The following BCKDHB variants were observed in gnomAD, a reference collection of about 807,000 sequenced individuals.
The protein encoded by BCKDHB is branched chain keto acid dehydrogenase E1 subunit beta, also known as 2-oxoisovalerate dehydrogenase subunit beta, mitochondrial.
A neutral mutation model predicts 48.5 loss-of-function variants in BCKDHB; 41 were observed. The observed-to-expected ratio is 0.85, with a 90% confidence interval of 0.66 to 1.10. BCKDHB has a LOEUF of 1.10. Among genes scored for constraint, BCKDHB ranks in the 50% least tolerant of loss-of-function variants. BCKDHB has a pLI of 0.00. For synonymous variants in BCKDHB, 201 were observed against 174.8 expected (o/e 1.15, Z -1.18); for missense variants, 496 against 494.2 (o/e 1.00, Z -0.03).
chr6:80,451,331 A>G, the BCKDHB span, among the ~76,000 whole-genome samples: 12 of 152,156 alleles, frequency 7.9e-5, no homozygotes, highest in African/African-American at 2.9e-4. Context: ...CAACTTTTTA[A>G]AAGCTTTGAG....
chr6:80,169,888 A>G, intron 5 of BCKDHB: 1 of 1,590,590 alleles, frequency 6.3e-7, no homozygotes, highest in East Asian at 2.3e-5. Context: ...TAGACTGGGA[A>G]AGAAGCCATG....
intron 1 of BCKDHB, among the ~76,000 whole-genome samples, chr6:80,112,236 C>T (rs1769449142): frequency 6.6e-6 from 1 of 152,160 alleles, no homozygotes; most frequent in Non-Finnish European, 1.5e-5. Context: ...CATGAGATAG[C>T]AATATAAGTC....
At chr6:80,278,917 T>C (rs1778080999) in intron 9 of BCKDHB, among the ~76,000 whole-genome samples, 1 of 152,028 alleles carries the variant, frequency 6.6e-6, no homozygotes, top group Admixed American at 6.6e-5. Flanking sequence ...CCTGTTGAGC[T>C]TTAGACCCAA....
chr6:80,342,826 AT>A (rs950490011), intron 9 of BCKDHB, among the ~76,000 whole-genome samples: 2 of 151,790 alleles, frequency 1.3e-5, no homozygotes, highest in African/African-American at 4.8e-5. Context: ...CTTGAGTAAC[AT>A]TTTTTTTCTC....
intron 8 of BCKDHB, among the ~76,000 whole-genome samples, chr6:80,220,304 G>GTTTTTTTTTTTTTTTTTTTTATTTTT (rs56967096): frequency 1.6e-5 from 1 of 60,860 alleles, no homozygotes; most frequent in Non-Finnish European, 2.9e-5. Flanking sequence ...CATGCTATTT[G>GTTTTTTTTTTTTTTTTTTTTATTTTT]TTTTTTTTTT....
At chr6:80,114,076 G>A (rs1166666165) in intron 1 of BCKDHB, among the ~76,000 whole-genome samples, 1 of 152,078 alleles carries the variant, frequency 6.6e-6, no homozygotes, top group Non-Finnish European at 1.5e-5. Context: ...AAAGGGAGTG[G>A]CTTCTGGTCC....
chr6:80,353,868 A>G, the BCKDHB span, among the ~76,000 whole-genome samples: 17 of 143,384 alleles, frequency 1.2e-4, no homozygotes, highest in Non-Finnish European at 2.4e-4. Flanking sequence ...AAAAATAAAA[A>G]GTAAAATAAT....
chr6:80,152,212 A>G (rs1223784358), intron 3 of BCKDHB, among the ~76,000 whole-genome samples: 1 of 151,938 alleles, frequency 6.6e-6, no homozygotes, highest in Non-Finnish European at 1.5e-5. Context: ...CATTAATTTG[A>G]AAAACTACAT....
chr6:80,464,845 G>A, the BCKDHB span, among the ~76,000 whole-genome samples: 2 of 152,224 alleles, frequency 1.3e-5, no homozygotes, highest in African/African-American at 2.4e-5. Flanking sequence ...GTGAGAACAA[G>A]AGAAAAGGTA....
the BCKDHB span, among the ~76,000 whole-genome samples, chr6:80,370,319 TA>T: frequency 6.6e-6 from 1 of 152,222 alleles, no homozygotes; most frequent in Non-Finnish European, 1.5e-5. Context: ...GGCATCCATC[TA>T]TTCAGAAGAC....
intron 8 of BCKDHB, among the ~76,000 whole-genome samples, chr6:80,271,601 C>T (rs1777743357): frequency 6.6e-6 from 1 of 151,956 alleles, no homozygotes; most frequent in African/African-American, 2.4e-5. Flanking sequence ...TTTAGGGTAC[C>T]AGCATTTTTA....
chr6:80,235,108 A>G (rs1384355358), intron 8 of BCKDHB, among the ~76,000 whole-genome samples: 1 of 152,092 alleles, frequency 6.6e-6, no homozygotes. Flanking sequence ...CAGTAGGGTG[A>G]CTCTAGTTAA....
rs146762495 is a variant in BCKDHB, at chr6:80,346,039, C to T, written c.*2235C>T. ...TCTGAATTTTTTTTTATATTTCCTC[C>T]GACTTACCTCTTTTTGAAAAGAGAG... is the stretch of plus-strand genomic sequence containing the variant. On this transcript the variant is annotated 3_prime_UTR_variant, in exon 10 of 10. Transcript: ENST00000320393. 6.6e-5 allele frequency: 10 copies of T among 152,058 alleles called. No homozygotes were observed. The highest frequency in any genetic ancestry group is 1.9e-4 in the East Asian group (1 of 5,184). 9.4% of individuals were successfully genotyped at this position (152,058 alleles called of 1,614,324 possible). A position where few individuals can be genotyped will look rare whatever the true frequency, so the allele number is the denominator to read the frequency against.
At position 80,212,118 on chromosome 6, in the gene BCKDHB, G is replaced by A. The variant is rs562690540; in HGVS notation, c.951+8906G>A. On this transcript the variant is annotated intron_variant, in intron 8 of 9. Transcript: ENST00000320393. ...TACTGATAAGGGTCTATGTTCAGCA[G>A]TGCACCTGTTGTCTTGATAAGCATC... Among the ~76,000 whole-genome samples the A allele has an allele frequency of 3.1e-3, 476 of 152,278 alleles. 2 individuals carry two copies. The highest frequency in any genetic ancestry group is 0.011 in the African/African-American group (461 of 41,556).
At chr6:80,277,709 G>C (rs1582489568) in intron 9 of BCKDHB, among the ~76,000 whole-genome samples, 1 of 147,512 alleles carries the variant, frequency 6.8e-6, no homozygotes, top group Non-Finnish European at 1.5e-5. Context: ...CTGCAATAAA[G>C]AGTCCAATTG....
intron 9 of BCKDHB, among the ~76,000 whole-genome samples, chr6:80,292,498 A>T (rs972008455): frequency 6.6e-6 from 1 of 152,070 alleles, no homozygotes; most frequent in African/African-American, 2.4e-5. Flanking sequence ...CATCCCCATG[A>T]TTCAGTTACC....
the BCKDHB span, among the ~76,000 whole-genome samples, chr6:80,357,408 G>C: frequency 2.6e-5 from 4 of 152,108 alleles, no homozygotes; most frequent in Admixed American, 2.6e-4. Context: ...CTGATTGCCT[G>C]CCAGTGCTTC....
chr6:80,187,595 A>G (rs370717273), intron 6 of BCKDHB, among the ~76,000 whole-genome samples: 2 of 152,284 alleles, frequency 1.3e-5, no homozygotes, highest in East Asian at 3.9e-4. Flanking sequence ...CAAAGGTCTA[A>G]TATACAGAAT....
intron 3 of BCKDHB, among the ~76,000 whole-genome samples, chr6:80,135,382 A>C (rs1019038317): frequency 6.6e-6 from 1 of 152,146 alleles, no homozygotes; most frequent in African/African-American, 2.4e-5. Context: ...TGAAGTATAC[A>C]TATTTATGAC....
Sources: gnomAD v4.1 joint callset for allele counts (sites outside exome capture counted in the v4.1 genomes callset) on GRCh38, gnomAD v4.1.1 for gene constraint, MANE v1.5 for transcripts, NCBI Gene and HGNC (gene_info 2026-07-23, HGNC 2026-07-21) for gene names.